RBMS3: variants seen among roughly 807,000 people sequenced by gnomAD.
RBMS3 encodes RNA-binding motif, single-stranded-interacting protein 3.
In RBMS3, 27 loss-of-function variants were observed where a neutral mutation model predicts 66.8. That is an observed-to-expected ratio of 0.40 (90% CI 0.30 to 0.56). RBMS3 has a LOEUF of 0.56. RBMS3 is among the 20% of genes least tolerant of loss of function. RBMS3 has a pLI of 0.40. For synonymous variants in RBMS3, 188 were observed against 183.0 expected (o/e 1.03, Z -0.22); for missense variants, 513 against 549.5 (o/e 0.93, Z 0.66).
chr3:29,960,490 G>A (rs188137525), intron 12 of RBMS3, among the ~76,000 whole-genome samples: 1 of 152,334 alleles, frequency 6.6e-6, no homozygotes, highest in Admixed American at 6.5e-5. Flanking sequence ...CTGGAAGACA[G>A]TGTCCCTCTT....
At chr3:29,310,451 G>T (rs1032003902) in intron 1 of RBMS3, among the ~76,000 whole-genome samples, 11 of 151,370 alleles carry the variant, frequency 7.3e-5, no homozygotes, top group Non-Finnish European at 1.5e-4. Context: ...GGTAGAATTG[G>T]ATCCTTTCCA....
At chr3:29,321,835 G>C (rs2035024318) in intron 1 of RBMS3, among the ~76,000 whole-genome samples, 1 of 152,040 alleles carries the variant, frequency 6.6e-6, no homozygotes, top group South Asian at 2.1e-4. Context: ...TGAGTTATGG[G>C]CACACTCGTC....
chr3:29,326,103 G>T (rs1341945156), intron 1 of RBMS3, among the ~76,000 whole-genome samples: 1 of 152,024 alleles, frequency 6.6e-6, no homozygotes, highest in African/African-American at 2.4e-5. Context: ...TGAATCTCAG[G>T]CTTTCCTTGC....
intron 10 of RBMS3, among the ~76,000 whole-genome samples, chr3:29,911,101 G>A (rs940276587): frequency 1.4e-4 from 21 of 152,060 alleles, no homozygotes; most frequent in South Asian, 2.1e-4. Flanking sequence ...TACTCACTGT[G>A]GAGGGAGTAG....
chr3:29,897,557 T>G, intron 9 of RBMS3, 82 bp downstream of exon 9: 1 of 1,310,164 alleles, frequency 7.6e-7, no homozygotes, highest in East Asian at 2.3e-5. Context: ...CACAGTAGAA[T>G]GAAAAGAAAA....
intron 6 of RBMS3, among the ~76,000 whole-genome samples, chr3:29,775,977 A>C (rs1297688612): frequency 6.6e-6 from 1 of 152,024 alleles, no homozygotes. Context: ...AACTAGTTGT[A>C]ATTTTATCTG....
intron 1 of RBMS3, among the ~76,000 whole-genome samples, chr3:29,283,191 A>G (rs1021147569): frequency 1.3e-5 from 2 of 152,018 alleles, no homozygotes; most frequent in African/African-American, 4.8e-5. Flanking sequence ...CAAAAACAAT[A>G]AACTCAAAGG....
In RBMS3 at chr3:29,884,204, A is replaced by G; in HGVS notation, c.787A>G (p.Asn263Asp). The G allele has an allele frequency of 6.2e-7, 1 of 1,610,016 alleles. No homozygotes were observed. Among genetic ancestry groups the G allele is most frequent in the Non-Finnish European group, 8.5e-7 (1 of 1,176,862 alleles). The change falls in exon 8 of 15, where the codon AAT becomes GAT. Residue 263 changes from asparagine to aspartate, a missense_variant. Physicochemically the swap from Asn to Asp is conservative, Grantham distance 23 (BLOSUM62 1). Transcript: ENST00000383767. ...CTATGACCCCACAGCTGCCATACAGAATGGGTAAGTAGATCACATTTTCTC... is the reference window on the plus strand; with the variant it reads ...CTATGACCCCACAGCTGCCATACAGGATGGGTAAGTAGATCACATTTTCTC... ...LTYDPTAAIQ[N>D]GFYSSPYSIA... is the part of the protein sequence containing the mutation.
rs113503991 is a variant in RBMS3, at chr3:29,533,601, C to T, written c.307+45102C>T. ...GACCAGCCTGGCCAACATGGTGAAA[C>T]CCCATCTCTACTAAAAATATAAAAA... On this transcript the variant is annotated intron_variant, in intron 3 of 14. Transcript: ENST00000383767. Among the ~76,000 whole-genome samples the T allele has an allele frequency of 6.6e-3, 1,010 of 152,182 alleles. 7 individuals are homozygous for T. The highest frequency in any genetic ancestry group is 8.8e-3 in the Non-Finnish European group (598 of 68,018).
At chr3:29,671,235 C>T (rs572997765) in intron 4 of RBMS3, among the ~76,000 whole-genome samples, 96 of 151,942 alleles carry the variant, frequency 6.3e-4, no homozygotes, top group African/African-American at 1.4e-3. Flanking sequence ...ATAGCATCAA[C>T]GTCAACAAAA....
intron 6 of RBMS3, among the ~76,000 whole-genome samples, chr3:29,782,985 G>A (rs117880773): frequency 0.011 from 1,633 of 151,856 alleles, 71 homozygotes; most frequent in East Asian, 0.075. Flanking sequence ...CAAAGACAAA[G>A]AAAAAAGAAT....
At chr3:29,690,943 T>C (rs1396108677) in intron 4 of RBMS3, among the ~76,000 whole-genome samples, 1 of 152,232 alleles carries the variant, frequency 6.6e-6, no homozygotes, top group Non-Finnish European at 1.5e-5. Context: ...GAATATATTT[T>C]AGATTTCATA....
At chr3:29,976,198 C>A (rs909059272) in intron 12 of RBMS3, among the ~76,000 whole-genome samples, 7 of 151,766 alleles carry the variant, frequency 4.6e-5, no homozygotes, top group African/African-American at 1.5e-4. Context: ...CTCTGTATTT[C>A]TTTTTTAATA....
chr3:29,724,927 T>C (rs536629197), intron 4 of RBMS3, among the ~76,000 whole-genome samples: 2 of 152,298 alleles, frequency 1.3e-5, no homozygotes, highest in East Asian at 3.9e-4. Flanking sequence ...CATGTCCTAT[T>C]ACATCTTTGT....
intron 2 of RBMS3, among the ~76,000 whole-genome samples, chr3:29,437,194 T>C (rs900879874): frequency 6.6e-6 from 1 of 152,204 alleles, no homozygotes; most frequent in Non-Finnish European, 1.5e-5. Context: ...GTGGGAGTAT[T>C]TATAACACAG....
chr3:29,407,808 A>T (rs2040088070), intron 1 of RBMS3, among the ~76,000 whole-genome samples: 1 of 152,226 alleles, frequency 6.6e-6, no homozygotes, highest in Non-Finnish European at 1.5e-5. Flanking sequence ...CAATATCATG[A>T]AGTTATGCTG....
chr3:29,573,744 G>A (rs1366914529), intron 3 of RBMS3, among the ~76,000 whole-genome samples: 1 of 151,838 alleles, frequency 6.6e-6, no homozygotes, highest in Admixed American at 6.6e-5. Context: ...GTATTCCATA[G>A]GTTTTGATAT....
intron 7 of RBMS3, among the ~76,000 whole-genome samples, chr3:29,882,333 T>A (rs1008704375): frequency 1.3e-5 from 2 of 152,140 alleles, no homozygotes; most frequent in Non-Finnish European, 2.9e-5. Context: ...AACAAAAACC[T>A]TTTTTCTTTT....
chr3:29,908,112 A>G lies in RBMS3; in HGVS notation c.939+8357A>G, dbSNP rs148081271. Among the ~76,000 whole-genome samples the G allele has an allele frequency of 3.4e-3, 515 of 152,022 alleles. 4 individuals carry two copies. The highest frequency in any genetic ancestry group is 0.011 in the African/African-American group (466 of 41,452). On this transcript the variant is annotated intron_variant, in intron 10 of 14. Coordinates refer to ENST00000383767, the MANE Select transcript of RBMS3 (RefSeq NM_001003793.3). ...AAAAATACAAAAAAATTAGCCAGGC[A>G]TGGTGGTGCATGCCTATAGTCCCAG...
Sources: gnomAD v4.1 joint callset for allele counts (sites outside exome capture counted in the v4.1 genomes callset) on GRCh38, gnomAD v4.1.1 for gene constraint, MANE v1.5 for transcripts, NCBI Gene and HGNC (gene_info 2026-07-23, HGNC 2026-07-21) for gene names.